DSTYK: variants seen among roughly 807,000 people sequenced by gnomAD.
DSTYK encodes RIP-homologous kinase.
In DSTYK, 34 loss-of-function variants were observed where a neutral mutation model predicts 98.7. The ratio of observed to expected loss-of-function variants is 0.34; its 90% CI spans 0.26 to 0.46. The LOEUF (loss-of-function observed/expected upper bound fraction) is 0.46. DSTYK is among the 20% of genes least tolerant of loss of function. The pLI, the probability that DSTYK is intolerant of heterozygous loss-of-function variation, is 1.00. For synonymous variants in DSTYK, 462 were observed against 457.3 expected (o/e 1.01, Z -0.13); for missense variants, 962 against 1,181.7 (o/e 0.81, Z 2.73).
chr1:205,207,785 A>AAAAAAAAAG (rs1659253485), intron 1 of DSTYK, among the ~76,000 whole-genome samples: 4 of 137,120 alleles, frequency 2.9e-5, no homozygotes, highest in South Asian at 2.4e-4. Context: ...AAAAAAAAAA[A>AAAAAAAAAG]AAAAAAAAGA....
At chr1:205,208,856 G>GCATCC (rs1340177194) in intron 1 of DSTYK, among the ~76,000 whole-genome samples, 1 of 152,156 alleles carries the variant, frequency 6.6e-6, no homozygotes, top group Non-Finnish European at 1.5e-5. Context: ...CTAGGAAAAT[G>GCATCC]CATCCCTCAA....
At chr1:205,182,993 G>C (rs1300035955) in intron 2 of DSTYK, among the ~76,000 whole-genome samples, 1 of 151,442 alleles carries the variant, frequency 6.6e-6, no homozygotes, top group African/African-American at 2.4e-5. Flanking sequence ...CCAGGCTGCA[G>C]GAATCCCATC....
In DSTYK at chr1:205,161,317, G is replaced by A; in HGVS notation, c.1889C>T (p.Ala630Val). 6.2e-7 allele frequency: 1 copy of A among 1,614,164 alleles called. No individual in the cohort carries two copies. Among genetic ancestry groups the A allele is most frequent in the Non-Finnish European group, 8.5e-7 (1 of 1,180,002 alleles). ...CAGAGAAAGGCGGGCCAGGCGGGGA[G>A]CATGATCTTTCCGAACCCTCAGCCA... is the stretch of plus-strand genomic sequence containing the variant. ...DLWLRVRKDHAPRLARLSLES... is the reference protein window; with the variant it reads ...DLWLRVRKDHVPRLARLSLES... Residue 630 changes from alanine to valine, a missense_variant, in exon 7 of 13, where the codon GCT (alanine) becomes GTT (valine). Physicochemically the swap from Ala to Val is moderately conservative, Grantham distance 64. Around this residue, in one of 4 missense-constraint regions of DSTYK, gnomAD observed 660 missense variants for 855.0 expected, o/e 0.77. Coordinates refer to ENST00000367162, the MANE Select transcript of DSTYK (RefSeq NM_015375.3).
chr1:205,172,224 T>C (rs1489103447), intron 2 of DSTYK, among the ~76,000 whole-genome samples: 1 of 152,126 alleles, frequency 6.6e-6, no homozygotes, highest in Non-Finnish European at 1.5e-5. Context: ...CCCAAAGTGC[T>C]GGGATTACAG....
chr1:205,181,995 T>C (rs1658421261), intron 2 of DSTYK, among the ~76,000 whole-genome samples: 1 of 152,174 alleles, frequency 6.6e-6, no homozygotes, highest in South Asian at 2.1e-4. Context: ...CTTGTCATTT[T>C]AAGATCCTTT....
At chr1:205,165,319 G>A (rs1657856560) in intron 3 of DSTYK, among the ~76,000 whole-genome samples, 1 of 152,066 alleles carries the variant, frequency 6.6e-6, no homozygotes, top group Non-Finnish European at 1.5e-5. Flanking sequence ...TTGAACTCCT[G>A]ACCTCAGGTG....
chr1:205,208,702 C>T (rs1204452160), intron 1 of DSTYK, among the ~76,000 whole-genome samples: 1 of 152,058 alleles, frequency 6.6e-6, no homozygotes, highest in Non-Finnish European at 1.5e-5. Context: ...AGTGAGACCC[C>T]ATCTTTACAA....
intron 10 of DSTYK, among the ~76,000 whole-genome samples, chr1:205,151,689 CTTTCTTTTT>C (rs1392150255): frequency 3.0e-5 from 2 of 67,276 alleles, no homozygotes; most frequent in Non-Finnish European, 1.0e-4. Flanking sequence ...TGGTTATAGG[CTTTCTTTTT>C]TTTTTTTTTT....
At chr1:205,202,037 G>T (rs1659054615) in intron 1 of DSTYK, among the ~76,000 whole-genome samples, 1 of 150,070 alleles carries the variant, frequency 6.7e-6, no homozygotes, top group Non-Finnish European at 1.5e-5. Context: ...TCCAGCCTGG[G>T]CATCAGGAAA....
intron 1 of DSTYK, among the ~76,000 whole-genome samples, chr1:205,197,471 G>A (rs562248154): frequency 5.3e-5 from 8 of 151,988 alleles, no homozygotes; most frequent in Admixed American, 3.9e-4. Flanking sequence ...TATTGTTCTC[G>A]CAACACTTAC....
rs752712767 is a variant in DSTYK, at chr1:205,169,883, CCT to C, written c.655-53_655-52del. ...CAGCGCCTCAGGGTCAGAACCAATC[CCT>C]GTCTCCCCAAAGTCCCACACTGAGA... On this transcript the variant is annotated intron_variant, in intron 2 of 12. Coordinates refer to ENST00000367162, the MANE Select transcript of DSTYK (RefSeq NM_015375.3). This position sits in a 1 kb window ranked among gnomAD's most constrained non-coding sequence, Gnocchi z 4.0. The C allele has an allele frequency of 1.3e-5, 20 of 1,522,172 alleles. No homozygotes were observed. The highest frequency in any genetic ancestry group is 1.8e-5 in the Non-Finnish European group (20 of 1,136,458). The allele number at this position is 1,522,172 out of a possible 1,614,324, so 94.3% of individuals were successfully genotyped here.
At chr1:205,197,303 G>T (rs905830863) in intron 1 of DSTYK, among the ~76,000 whole-genome samples, 1 of 152,166 alleles carries the variant, frequency 6.6e-6, no homozygotes, top group Non-Finnish European at 1.5e-5. Context: ...GGAGTGTTTA[G>T]AGGAGATGAG....
intron 8 of DSTYK, 99 bp from the exon 9 acceptor site, chr1:205,159,778 G>C: frequency 6.7e-7 from 1 of 1,488,402 alleles, no homozygotes. Context: ...CCATGCTTAG[G>C]ACAGGTCCAG....
At chr1:205,163,207 A>G (rs575738197) in intron 4 of DSTYK, among the ~76,000 whole-genome samples, 1 of 142,244 alleles carries the variant, frequency 7.0e-6, no homozygotes, top group East Asian at 2.1e-4. Flanking sequence ...ATATTCATCA[A>G]CTTATTTTTT....
intron 4 of DSTYK, 61 bp downstream of exon 4, chr1:205,163,662 T>G (rs1657801681): frequency 7.4e-7 from 1 of 1,343,250 alleles, no homozygotes; most frequent in African/African-American, 1.4e-5. Context: ...AAGTGTGGAC[T>G]TGTGCAGATT....
In DSTYK at chr1:205,180,696, C is replaced by T. The variant is rs908831919; in HGVS notation, c.654+6722G>A. Among the ~76,000 whole-genome samples the T allele has an allele frequency of 5.3e-5, 8 of 152,148 alleles. No homozygotes were observed. In the South Asian group the frequency reaches 1.7e-3, roughly 32 times the overall value. On this transcript the variant is annotated intron_variant, in intron 2 of 12. Transcript: ENST00000367162. ...CCCAGGCTGGTCTCAAACTCCTGAA[C>T]TCAAGCGCTCTGCCTGCCTCGGCCT... is the stretch of plus-strand genomic sequence containing the variant.
intron 1 of DSTYK, among the ~76,000 whole-genome samples, chr1:205,198,455 TC>T (rs1221208480): frequency 2.6e-5 from 4 of 152,172 alleles, no homozygotes; most frequent in East Asian, 3.8e-4. Context: ...TCAGTGGGGT[TC>T]TTATATACTA....
At chr1:205,155,727 T>A (rs900546314) in intron 10 of DSTYK, among the ~76,000 whole-genome samples, 3 of 151,730 alleles carry the variant, frequency 2.0e-5, no homozygotes, top group Non-Finnish European at 4.4e-5. Context: ...AATTCAAGCC[T>A]GCTGCAGAAA....
At chr1:205,180,021 T>A (rs1658349310) in intron 2 of DSTYK, among the ~76,000 whole-genome samples, 1 of 152,198 alleles carries the variant, frequency 6.6e-6, no homozygotes, top group African/African-American at 2.4e-5. Flanking sequence ...TGCTGTCAGA[T>A]TTTTGCCTCA....
Sources: gnomAD v4.1 joint callset for allele counts (sites outside exome capture counted in the v4.1 genomes callset) on GRCh38, gnomAD v4.1.1 for gene constraint, gnomAD v4.1.1 regional missense constraint, Gnocchi (gnomAD v3.1) non-coding constraint, MANE v1.5 for transcripts, NCBI Gene and HGNC (gene_info 2026-07-23, HGNC 2026-07-21) for gene names.